The following FAM228B variants were observed in gnomAD, a reference collection of about 807,000 sequenced individuals.
FAM228B encodes the protein family with sequence similarity 228 member B, also known as protein FAM228B.
FAM228B carries 38 observed loss-of-function variants against 42.6 expected under a neutral mutation model. The ratio of observed to expected loss-of-function variants is 0.89; its 90% CI spans 0.69 to 1.17. FAM228B has a LOEUF of 1.17. Ranked by LOEUF, FAM228B falls within the 50% of genes most tolerant of loss-of-function variation. FAM228B has a pLI of 0.00. For missense variants in FAM228B, 344 were observed against 367.3 expected, an observed-to-expected ratio of 0.94 and a Z score of 0.52; for synonymous variants, 109 against 122.3, an observed-to-expected ratio of 0.89 and a Z score of 0.72.
chr2:24,152,132 G>C (rs1667038533), intron 7 of FAM228B, among the ~76,000 whole-genome samples: 2 of 152,182 alleles, frequency 1.3e-5, no homozygotes. Context: ...GCCTCCCAAA[G>C]TGCTGGGATT....
At chr2:24,151,040 C>T (rs1321965744) in intron 7 of FAM228B, among the ~76,000 whole-genome samples, 2 of 152,162 alleles carry the variant, frequency 1.3e-5, no homozygotes, top group African/African-American at 4.8e-5. Flanking sequence ...TCTATCTCCC[C>T]TGTAAGGCCA....
At chr2:24,121,328 A>T, upstream of FAM228B, 2 of 1,601,714 alleles carry the variant, frequency 1.2e-6, no homozygotes, top group Non-Finnish European at 1.7e-6. Flanking sequence ...TTAGAGCAGG[A>T]GTCAGCCAAC....
At chr2:24,079,528 ACCT>A in intron 1 of FAM228B, 11 of 1,613,956 alleles carry the variant, frequency 6.8e-6, no homozygotes, top group Non-Finnish European at 8.5e-6. Context: ...CATTGATGTC[ACCT>A]CCTCCCATCA....
Position 24,169,300 on chromosome 2 carries a change from G to A in FAM228B, c.*15-56G>A, listed in dbSNP as rs545943524. 3.2e-5 allele frequency: 14 copies of A among 442,404 alleles called. No homozygotes were observed. The highest frequency in any genetic ancestry group is 9.6e-5 in the South Asian group (6 of 62,416). 27.4% of individuals were successfully genotyped at this position (442,404 alleles called of 1,614,324 possible). On this transcript the variant is annotated intron_variant, in intron 10 of 10. Transcript: ENST00000615575. This position sits in a 1 kb window ranked among gnomAD's most constrained non-coding sequence, Gnocchi z 4.2. ...TAGCTGGGGAACGCTTTCTGCTCTC[G>A]TAAGCCCCTCATCCCCATACCACAC... is the stretch of plus-strand genomic sequence containing the variant.
At chr2:24,142,416 T>G (rs1410132759) in intron 5 of FAM228B, 1 of 152,244 alleles carries the variant, frequency 6.6e-6, no homozygotes, top group Non-Finnish European at 1.5e-5. Flanking sequence ...AGCATTTCTT[T>G]GCATGTGCTT....
At chr2:24,141,302 G>T (rs1478446477) in intron 5 of FAM228B, among the ~76,000 whole-genome samples, 3 of 152,070 alleles carry the variant, frequency 2.0e-5, no homozygotes, top group Admixed American at 6.5e-5. Flanking sequence ...GGAGTGCAGT[G>T]GCGTGATCTT....
chr2:24,114,826 T>C (rs542293094), intron 3 of FAM228B, among the ~76,000 whole-genome samples: 51 of 152,328 alleles, frequency 3.3e-4, no homozygotes, highest in Non-Finnish European at 6.3e-4. Context: ...CAAGAGGAGA[T>C]GAACTCTTTC....
chr2:24,082,040 G>T (rs1665031049), intron 2 of FAM228B, among the ~76,000 whole-genome samples: 1 of 152,054 alleles, frequency 6.6e-6, no homozygotes, highest in Non-Finnish European at 1.5e-5. Context: ...TACTGCCCAG[G>T]CTGGAGTGCA....
chr2:24,100,338 A>G (rs1210668032), intron 3 of FAM228B, among the ~76,000 whole-genome samples: 1 of 152,240 alleles, frequency 6.6e-6, no homozygotes, highest in East Asian at 1.9e-4. Flanking sequence ...GGCAACCTAC[A>G]GAATGGGAGA....
chr2:24,099,225 A>G (rs1441457409), intron 3 of FAM228B, among the ~76,000 whole-genome samples: 1 of 151,930 alleles, frequency 6.6e-6, no homozygotes, highest in African/African-American at 2.4e-5. Flanking sequence ...CTGGCATAAG[A>G]CAAGGATTCC....
chr2:24,111,019 C>T (rs889583068), intron 3 of FAM228B, among the ~76,000 whole-genome samples: 1 of 152,092 alleles, frequency 6.6e-6, no homozygotes, highest in African/African-American at 2.4e-5. Context: ...TTGAATGGGC[C>T]CAACCAACAT....
intron 2 of FAM228B, among the ~76,000 whole-genome samples, chr2:24,125,224 A>C (rs1055644446): frequency 2.6e-5 from 4 of 152,052 alleles, no homozygotes; most frequent in African/African-American, 9.7e-5. Flanking sequence ...CCACAAACGA[A>C]CGAACAATAA....
intron 3 of FAM228B, among the ~76,000 whole-genome samples, chr2:24,107,893 A>G (rs1325575935): frequency 6.6e-6 from 1 of 152,178 alleles, no homozygotes; most frequent in Non-Finnish European, 1.5e-5. Context: ...ACCAACCCCA[A>G]AGCTATTGGA....
At chr2:24,155,532 T>TATATATATATA (rs1491091074) in intron 7 of FAM228B, among the ~76,000 whole-genome samples, 3 of 11,544 alleles carry the variant, frequency 2.6e-4, no homozygotes, top group African/African-American at 7.5e-4. Context: ...TATATATATA[T>TATATATATATA]TTTTTTTTTT....
intron 7 of FAM228B, among the ~76,000 whole-genome samples, chr2:24,154,649 C>T (rs192261589): frequency 5.3e-5 from 8 of 152,298 alleles, no homozygotes; most frequent in Non-Finnish European, 1.0e-4. Flanking sequence ...GAAGAAGCCA[C>T]CCTTTCCTCT....
intron 3 of FAM228B, among the ~76,000 whole-genome samples, chr2:24,101,488 C>A (rs923994102): frequency 9.2e-5 from 14 of 151,586 alleles, no homozygotes; most frequent in Non-Finnish European, 1.5e-4. Context: ...TATTATTAGT[C>A]CACAATTGAT....
upstream of FAM228B, among the ~76,000 whole-genome samples, chr2:24,120,723 T>G (rs1450409366): frequency 6.6e-6 from 1 of 152,094 alleles, no homozygotes; most frequent in Non-Finnish European, 1.5e-5. Flanking sequence ...TGGCTAATTT[T>G]CTTGTATTTT....
upstream of FAM228B, chr2:24,119,524 G>A (rs867942236): frequency 2.9e-5 from 38 of 1,324,542 alleles, 1 homozygote; most frequent in Middle Eastern, 4.3e-4. Context: ...ACTCGTAGTC[G>A]GAAGACCCAA....
intron 5 of FAM228B, among the ~76,000 whole-genome samples, chr2:24,140,742 A>T (rs1051362282): frequency 6.6e-6 from 1 of 151,876 alleles, no homozygotes; most frequent in African/African-American, 2.4e-5. Context: ...CGGGTGGATC[A>T]CCTGAGGTCA....
Sources: gnomAD v4.1 joint callset for allele counts (sites outside exome capture counted in the v4.1 genomes callset) on GRCh38, gnomAD v4.1.1 for gene constraint, Gnocchi (gnomAD v3.1) non-coding constraint, MANE v1.5 for transcripts, NCBI Gene and HGNC (gene_info 2026-07-23, HGNC 2026-07-21) for gene names.